ZDHHC22: variants seen among roughly 807,000 people sequenced by gnomAD.
ZDHHC22 encodes zDHHC palmitoyltransferase 22.
Under a neutral mutation model 17.0 loss-of-function variants are expected in ZDHHC22, and 13 were observed. The observed-to-expected ratio is 0.76, with a 90% CI of 0.50 to 1.21. The LOEUF (loss-of-function observed/expected upper bound fraction) is 1.21, where lower values mean the gene tolerates loss of function less well. Among genes scored for constraint, ZDHHC22 ranks in the 50% most tolerant of loss-of-function variants. The pLI is 0.00. For synonymous variants in ZDHHC22, 138 were observed against 154.7 expected (o/e 0.89, Z 0.80); for missense variants, 319 against 342.3 (o/e 0.93, Z 0.54).
At position 77,132,958 on chromosome 14, in the gene ZDHHC22, A is replaced by C. The variant is rs1887061624; in HGVS notation, c.*725T>G. The C allele has an allele frequency of 6.6e-6, 1 of 152,008 alleles. No individual in the cohort carries two copies. The highest frequency in any genetic ancestry group is 1.5e-5 in the Non-Finnish European group (1 of 68,048). 9.4% of individuals were successfully genotyped at this position (152,008 alleles called of 1,614,324 possible). On this transcript the variant is annotated 3_prime_UTR_variant, in exon 3 of 3. Transcript: ENST00000319374. Reference sequence around the variant, plus strand: ...GCAAAGACCTGGGGGCTGGAGATCAAGTAGAAAGGCTGGAAGAGTTCCAGG... The same window carrying C: ...GCAAAGACCTGGGGGCTGGAGATCACGTAGAAAGGCTGGAAGAGTTCCAGG...
chr14:77,139,787 C>G, intron 1 of ZDHHC22, 35 bp from the exon 2 acceptor site: 1 of 1,448,006 alleles, frequency 6.9e-7, no homozygotes, highest in Non-Finnish European at 9.1e-7. Context: ...GACTGACTGA[C>G]TACGGCGTCC....
chr14:77,138,973 C>T (rs568125379), intron 2 of ZDHHC22, among the ~76,000 whole-genome samples: 27 of 152,260 alleles, frequency 1.8e-4, no homozygotes, highest in South Asian at 1.7e-3. Context: ...ACAGCATGTC[C>T]GCTTAATTTG....
At chr14:77,139,011 C>A (rs1341438446) in intron 2 of ZDHHC22, among the ~76,000 whole-genome samples, 1 of 152,222 alleles carries the variant, frequency 6.6e-6, no homozygotes, top group Non-Finnish European at 1.5e-5. Flanking sequence ...AGCAAATTTT[C>A]TCAGTGTATC....
chr14:77,136,019 G>A (rs1887129676), intron 2 of ZDHHC22, among the ~76,000 whole-genome samples: 1 of 152,076 alleles, frequency 6.6e-6, no homozygotes, highest in Non-Finnish European at 1.5e-5. Flanking sequence ...AGCCTAAAAG[G>A]ACACATCAGT....
chr14:77,141,036 T>G (rs920277528), intron 1 of ZDHHC22: 1 of 152,440 alleles, frequency 6.6e-6, no homozygotes, highest in Non-Finnish European at 1.5e-5. Context: ...GGAATCCCCT[T>G]TGCAGGTCCC....
intron 1 of ZDHHC22, 54 bp from the exon 2 acceptor site, chr14:77,139,806 C>A (rs1275293203): frequency 2.8e-6 from 4 of 1,433,292 alleles, no homozygotes; most frequent in African/African-American, 2.9e-5. Context: ...CCAGGGGGCG[C>A]CCTCGCCCGC....
Position 77,132,816 on chromosome 14 carries a change from T to TCTCTCTCACACACACCCACACA in ZDHHC22, c.*866_*867insTGTGTGGGTGTGTGTGAGAGAG. On this transcript the variant is annotated 3_prime_UTR_variant, in exon 3 of 3. Coordinates refer to ENST00000319374, the MANE Select transcript of ZDHHC22 (RefSeq NM_174976.2). ...CCACCCATCTCTCTCTCTCTCTCTC[T>TCTCTCTCACACACACCCACACA]CACACACACACACACACACACACAC... The TCTCTCTCACACACACCCACACA allele has an allele frequency of 9.6e-6, 1 of 104,554 alleles. No homozygotes were observed. The highest frequency in any genetic ancestry group is 1.9e-5 in the Non-Finnish European group (1 of 53,846). 6.5% of individuals were successfully genotyped at this position (104,554 alleles called of 1,614,324 possible). A position where few individuals can be genotyped will look rare whatever the true frequency, so the allele number is the denominator to read the frequency against.
rs12431976 is a variant in ZDHHC22, at chr14:77,138,002, G to A, written c.526+1211C>T. 7.7e-4 allele frequency among the ~76,000 whole-genome samples: 117 copies of A among 152,334 alleles called. 1 individual carries two copies. The highest frequency in any genetic ancestry group is 7.3e-3 in the Admixed American group (111 of 15,304). On this transcript the variant is annotated intron_variant, in intron 2 of 2. Transcript: ENST00000319374. ...TCAGTAGCAGGAAGACACTGGGCAA[G>A]CCACTTAGTCCCGTCTGAGTCTCGG...
chr14:77,135,192 G>A (rs1378929248), intron 2 of ZDHHC22, among the ~76,000 whole-genome samples: 1 of 26,292 alleles, frequency 3.8e-5, no homozygotes, highest in Non-Finnish European at 2.5e-4. Flanking sequence ...TCCTCTGGTG[G>A]GGGGGGGGCA....
rs1371375605 is a variant in ZDHHC22, at chr14:77,139,540, G to A, written c.199C>T (p.Leu67Phe). The A allele has an allele frequency of 6.2e-7, 1 of 1,608,336 alleles. No homozygotes were observed. ...TCGTCTGGGGAGTTCTGGATGACAA[G>A]GACGTAATTGCCCAGGGCGTTGGCC... The part of the protein sequence containing the change: ...LSANALGNYV[L>F]VIQNSPDDLG... The change falls in exon 2 of 3, where the codon CTT becomes TTT. Residue 67 changes from leucine to phenylalanine, a missense_variant. Physicochemically the swap from Leu to Phe is conservative, Grantham distance 22. Coordinates refer to ENST00000319374, the MANE Select transcript of ZDHHC22 (RefSeq NM_174976.2).
chr14:77,131,971 C>G lies in ZDHHC22; in HGVS notation c.*1712G>C, dbSNP rs2140047103. On this transcript the variant is annotated 3_prime_UTR_variant, in exon 3 of 3. Transcript: ENST00000319374. ...GAAGGCAGAACCACAGTAAAGTCCT[C>G]CCAATCTCTGCTCAAGAACCCAGGC... The G allele has an allele frequency of 6.6e-6, 1 of 152,390 alleles. No homozygotes were observed. The highest frequency in any genetic ancestry group is 2.4e-5 in the African/African-American group (1 of 41,582). 9.4% of individuals were successfully genotyped at this position (152,390 alleles called of 1,614,324 possible). A position where few individuals can be genotyped will look rare whatever the true frequency, so the allele number is the denominator to read the frequency against.
At chr14:77,138,422 G>C (rs1887178739) in intron 2 of ZDHHC22, among the ~76,000 whole-genome samples, 1 of 152,176 alleles carries the variant, frequency 6.6e-6, no homozygotes, top group African/African-American at 2.4e-5. Flanking sequence ...GTGTGGCGTG[G>C]TGGCACGCAC....
At chr14:77,139,827 C>A in intron 1 of ZDHHC22, 75 bp from the exon 2 acceptor site, 1 of 1,409,088 alleles carries the variant, frequency 7.1e-7, no homozygotes, top group Non-Finnish European at 9.4e-7. Context: ...TCCTCCGTGC[C>A]GCGCGTCTGG....
intron 2 of ZDHHC22, among the ~76,000 whole-genome samples, chr14:77,138,418 C>T (rs940988362): frequency 3.9e-5 from 6 of 152,142 alleles, no homozygotes; most frequent in South Asian, 2.1e-4. Context: ...ATTAGTGTGG[C>T]GTGGTGGCAC....
chr14:77,139,511 C>G lies in ZDHHC22; in HGVS notation c.228G>C (p.Leu76=). ...TGGCCGAGGCCCCCTGGCAGGCCCC[C>G]AGGTCGTCTGGGGAGTTCTGGATGA... is the stretch of plus-strand genomic sequence containing the variant. ...VLVIQNSPDD[L]GACQGASARK... is the part of the protein sequence containing the mutation. The change falls in exon 2 of 3, where the codon CTG becomes CTC. Residue 76 remains leucine, a synonymous_variant. Coordinates refer to ENST00000319374, the MANE Select transcript of ZDHHC22 (RefSeq NM_174976.2). 1.2e-6 allele frequency: 2 copies of G among 1,611,734 alleles called. No homozygotes were observed. Among genetic ancestry groups the G allele is most frequent in the Non-Finnish European group, 1.7e-6 (2 of 1,179,070 alleles).
At chr14:77,137,953 G>A (rs917005581) in intron 2 of ZDHHC22, among the ~76,000 whole-genome samples, 6 of 152,172 alleles carry the variant, frequency 3.9e-5, no homozygotes, top group East Asian at 1.9e-4. Context: ...TTAAGGACCT[G>A]AGAGGCAGAC....
In ZDHHC22 at chr14:77,133,198, C is replaced by T. The variant is rs930303505; in HGVS notation, c.*485G>A. 6.4e-5 allele frequency: 10 copies of T among 155,532 alleles called. No individual in the cohort carries two copies. Among genetic ancestry groups the T allele is most frequent in the Middle Eastern group, 3.3e-3 (1 of 300 alleles). The allele number at this position is 155,532 out of a possible 1,614,324, so 9.6% of individuals were successfully genotyped here. Reference sequence around the variant, plus strand: ...CACACACCCACTCTTTCCCAACTCCCCTAGCAGTTGGCAGAGCTGACTTGG... The same window carrying T: ...CACACACCCACTCTTTCCCAACTCCTCTAGCAGTTGGCAGAGCTGACTTGG... On this transcript the variant is annotated 3_prime_UTR_variant, in exon 3 of 3. Coordinates refer to ENST00000319374, the MANE Select transcript of ZDHHC22 (RefSeq NM_174976.2).
chr14:77,135,190 T>TGTGG (rs1555384233), intron 2 of ZDHHC22, among the ~76,000 whole-genome samples: 1 of 143,758 alleles, frequency 7.0e-6, no homozygotes, highest in African/African-American at 2.7e-5. Context: ...CCTCCTCTGG[T>TGTGG]GGGGGGGGGG....
chr14:77,139,945 T>C (rs1340195671), intron 1 of ZDHHC22, among the ~76,000 whole-genome samples, 193 bp from the exon 2 acceptor site: 1 of 152,208 alleles, frequency 6.6e-6, no homozygotes, highest in Non-Finnish European at 1.5e-5. Flanking sequence ...CGCAGCGGCC[T>C]CGGGTCTAGG....
Sources: gnomAD v4.1 joint callset for allele counts (sites outside exome capture counted in the v4.1 genomes callset) on GRCh38, gnomAD v4.1.1 for gene constraint, MANE v1.5 for transcripts, NCBI Gene and HGNC (gene_info 2026-07-23, HGNC 2026-07-21) for gene names.